Variants in MORC3 observed in about 807,000 individuals in gnomAD.
MORC3 encodes the protein MORC family CW-type zinc finger 3.
Under a neutral mutation model 109.1 loss-of-function variants are expected in MORC3, and 31 were observed. That is an observed-to-expected ratio of 0.28 (90% CI 0.21 to 0.38). The LOEUF (loss-of-function observed/expected upper bound fraction) is 0.38. MORC3 is among the 10% of genes least tolerant of loss of function. The pLI is 1.00. For missense variants in MORC3, 867 were observed against 1,135.8 expected, an observed-to-expected ratio of 0.76 and a Z score of 3.40; for synonymous variants, 395 against 380.7, an observed-to-expected ratio of 1.04 and a Z score of -0.44.
chr21:36,328,034 G>C (rs1404285447), intron 1 of MORC3, among the ~76,000 whole-genome samples: 1 of 151,866 alleles, frequency 6.6e-6, no homozygotes, highest in South Asian at 2.1e-4. Context: ...GTGCCACCAG[G>C]TCTAGCTAAT....
At chr21:36,364,436 A>G (rs2085755072) in intron 14 of MORC3, among the ~76,000 whole-genome samples, 177 bp downstream of exon 14, 2 of 152,212 alleles carry the variant, frequency 1.3e-5, no homozygotes, top group African/African-American at 2.4e-5. Flanking sequence ...AACTTAGGCT[A>G]AACCCTACTT....
At chr21:36,364,537 A>G (rs533788314) in intron 14 of MORC3, among the ~76,000 whole-genome samples, 82 of 151,496 alleles carry the variant, frequency 5.4e-4, no homozygotes, top group African/African-American at 1.9e-3. Context: ...CAAAAAAATT[A>G]ACCAGGCGTG....
chr21:36,338,878 A>G lies in MORC3; in HGVS notation c.565A>G (p.Ile189Val), dbSNP rs375678739. 5.5e-5 allele frequency: 88 copies of G among 1,614,038 alleles called. No individual in the cohort carries two copies. The highest frequency in any genetic ancestry group is 7.3e-5 in the Non-Finnish European group (86 of 1,179,998). ...QKLLAELDAI[I>V]GKKGTRIIIW... The stretch of plus-strand genomic sequence containing the variant: ...GTTACTGGCAGAACTTGATGCTATT[A>G]TAGGCAAGAAGGGGACGAGGATCAT... The change falls in exon 5 of 17, where the codon ATA becomes GTA. Residue 189 changes from isoleucine (I) to valine (V), a missense_variant. This residue lies in a region of MORC3 where 134 missense variants were observed against 166.6 expected (regional missense o/e 0.80). Transcript: ENST00000400485.
At chr21:36,368,753 T>C (rs1386794846) in intron 14 of MORC3, among the ~76,000 whole-genome samples, 5 of 152,174 alleles carry the variant, frequency 3.3e-5, no homozygotes, top group Admixed American at 3.3e-4. Flanking sequence ...GGCGGGTGCC[T>C]GTAATCCCAG....
In MORC3 at chr21:36,371,914, A is replaced by G. The variant is rs373222513; in HGVS notation, c.2509-460A>G. 1.1e-4 allele frequency among the ~76,000 whole-genome samples: 16 copies of G among 151,818 alleles called. No individual in the cohort carries two copies. The East Asian group carries it at 1.5e-3, about 15-fold the overall frequency. On this transcript the variant is annotated intron_variant, in intron 15 of 16. Coordinates refer to ENST00000400485, the MANE Select transcript of MORC3 (RefSeq NM_015358.3). Reference sequence around the variant, plus strand: ...CCGCAACCTCCACCTCCTGGGTTCAAGCAGTTCTCCTGCCTCAGCCTCCCG... The same window carrying G: ...CCGCAACCTCCACCTCCTGGGTTCAGGCAGTTCTCCTGCCTCAGCCTCCCG...
chr21:36,370,729 G>A (rs1357466357), intron 15 of MORC3, among the ~76,000 whole-genome samples: 1 of 139,136 alleles, frequency 7.2e-6, no homozygotes, highest in East Asian at 2.1e-4. Context: ...GAGTGCAGTG[G>A]CCCAATCTCG....
chr21:36,347,125 T>A (rs1425771624), intron 8 of MORC3, among the ~76,000 whole-genome samples: 3 of 152,030 alleles, frequency 2.0e-5, no homozygotes, highest in African/African-American at 4.8e-5. Context: ...TGCATTTGGA[T>A]ATGGATCCAT....
chr21:36,362,984 A>G (rs2085737783), intron 13 of MORC3, among the ~76,000 whole-genome samples: 1 of 152,108 alleles, frequency 6.6e-6, no homozygotes, highest in Non-Finnish European at 1.5e-5. Context: ...AACCGGGACA[A>G]AAGCCATAGT....
intron 16 of MORC3, among the ~76,000 whole-genome samples, chr21:36,374,385 C>A (rs2085905748): frequency 1.3e-5 from 2 of 151,986 alleles, no homozygotes; most frequent in South Asian, 4.1e-4. Flanking sequence ...ACCTCTGTGC[C>A]CGGCGTAAAA....
At chr21:36,359,556 CTTTTTTTTTTTTTTTT>C (rs5843757) in intron 10 of MORC3, among the ~76,000 whole-genome samples, 3 of 93,938 alleles carry the variant, frequency 3.2e-5, no homozygotes, top group East Asian at 3.2e-4. Context: ...CTTTCCTCTC[CTTTTTTTTTTTTTTTT>C]TTTTTTTTTG....
rs185562515 is a variant in MORC3, at chr21:36,352,576, A to T, written c.1103+3168A>T. On this transcript the variant is annotated intron_variant, in intron 9 of 16. Coordinates refer to ENST00000400485, the MANE Select transcript of MORC3 (RefSeq NM_015358.3). ...AAAATCTGAAATCCAAGGTACTTTC[A>T]TGAGCATTTCCTTTGGGTATCATGT... Among the ~76,000 whole-genome samples the T allele has an allele frequency of 8.1e-4, 123 of 152,284 alleles. 1 individual carries two copies. Among genetic ancestry groups the T allele is most frequent in the African/African-American group, 2.8e-3 (115 of 41,558 alleles).
intron 14 of MORC3, 124 bp from the exon 15 acceptor site, chr21:36,368,864 G>T (rs1356120147): frequency 3.4e-6 from 3 of 878,878 alleles, no homozygotes; most frequent in African/African-American, 3.4e-5. Flanking sequence ...GCGACAGAGT[G>T]ACACTCCATC....
chr21:36,357,414 A>G (rs903846580), intron 10 of MORC3, among the ~76,000 whole-genome samples: 1 of 152,022 alleles, frequency 6.6e-6, no homozygotes, highest in Admixed American at 6.6e-5. Flanking sequence ...GTACTTTTCA[A>G]TTTTTTTATA....
intron 9 of MORC3, 34 bp downstream of exon 9, chr21:36,349,442 C>T: frequency 7.3e-7 from 1 of 1,369,808 alleles, no homozygotes; most frequent in South Asian, 1.3e-5. Context: ...GACTGAGGTT[C>T]CTAGGAAATG....
At chr21:36,372,589 T>C in intron 16 of MORC3, 58 bp downstream of exon 16, 1 of 1,483,786 alleles carries the variant, frequency 6.7e-7, no homozygotes, top group Non-Finnish European at 9.0e-7. Context: ...TACTATTTAT[T>C]TTTATCTGCT....
At chr21:36,368,504 ATC>A (rs2085806456) in intron 14 of MORC3, among the ~76,000 whole-genome samples, 1 of 152,138 alleles carries the variant, frequency 6.6e-6, no homozygotes, top group African/African-American at 2.4e-5. Flanking sequence ...AGAGAAAATA[ATC>A]TCTACTTCAT....
intron 5 of MORC3, among the ~76,000 whole-genome samples, chr21:36,341,170 G>T (rs1385615643): frequency 6.6e-6 from 1 of 151,920 alleles, no homozygotes; most frequent in Non-Finnish European, 1.5e-5. Context: ...ATGCCAGACT[G>T]TTTTCCTGAG....
intron 12 of MORC3, chr21:36,361,909 C>CA: frequency 8.8e-6 from 4 of 454,832 alleles, no homozygotes; most frequent in Non-Finnish European, 1.6e-5. Context: ...TGTTCTAGTT[C>CA]AAAAGCCTGT....
intron 8 of MORC3, among the ~76,000 whole-genome samples, chr21:36,349,044 CG>C (rs1468986092): frequency 6.6e-6 from 1 of 151,818 alleles, no homozygotes; most frequent in African/African-American, 2.4e-5. Context: ...TCCAGCTACT[CG>C]GGAGGCTGAG....
Sources: gnomAD v4.1 joint callset for allele counts (sites outside exome capture counted in the v4.1 genomes callset) on GRCh38, gnomAD v4.1.1 for gene constraint, gnomAD v4.1.1 regional missense constraint, MANE v1.5 for transcripts, NCBI Gene and HGNC (gene_info 2026-07-23, HGNC 2026-07-21) for gene names.